KDM2B: variants seen among roughly 807,000 people sequenced by gnomAD.
KDM2B encodes lysine demethylase 2B.
A neutral mutation model predicts 150.0 loss-of-function variants in KDM2B; 26 were observed. The ratio of observed to expected loss-of-function variants is 0.17; its 90% CI spans 0.13 to 0.24. The LOEUF (loss-of-function observed/expected upper bound fraction) is 0.24. Among genes scored for constraint, KDM2B ranks in the 10% least tolerant of loss-of-function variants. The pLI is 1.00. For missense variants in KDM2B, 1,265 were observed against 1,816.9 expected (o/e 0.70, Z 5.52); for synonymous variants, 734 against 729.5 (o/e 1.01, Z -0.10).
intron 4 of KDM2B, among the ~76,000 whole-genome samples, chr12:121,562,901 G>A (rs949636476): frequency 3.3e-5 from 5 of 152,122 alleles, no homozygotes; most frequent in Non-Finnish European, 5.9e-5. Context: ...ATAAAAGATA[G>A]GTGATTATTA....
Position 121,453,592 on chromosome 12 carries a change from C to T in KDM2B, c.1735-248G>A, listed in dbSNP as rs1273949789. ...TCCTTACGAAAGGGGAACTTTTGGA[C>T]ACAGAGACAGACACGCACGTAGAGA... On this transcript the variant is annotated intron_variant, in intron 12 of 22. Coordinates refer to ENST00000377071, the MANE Select transcript of KDM2B (RefSeq NM_032590.5). This position sits in a 1 kb window ranked among gnomAD's most constrained non-coding sequence, Gnocchi z 6.4. Among the ~76,000 whole-genome samples the T allele has an allele frequency of 6.6e-6, 1 of 152,154 alleles. No homozygotes were observed. Among genetic ancestry groups the T allele is most frequent in the Non-Finnish European group, 1.5e-5 (1 of 68,036 alleles).
chr12:121,557,730 T>G (rs1594122119), intron 4 of KDM2B, among the ~76,000 whole-genome samples: 1 of 152,294 alleles, frequency 6.6e-6, no homozygotes, highest in East Asian at 1.9e-4. Context: ...ACAGACACCC[T>G]TAATTTTGGA....
At chr12:121,546,955 G>A (rs1172038632) in intron 6 of KDM2B, among the ~76,000 whole-genome samples, 8 of 150,536 alleles carry the variant, frequency 5.3e-5, no homozygotes, top group South Asian at 2.1e-4. Context: ...TCTTGGCCTC[G>A]CAAAGTGCTG....
chr12:121,538,389 T>A (rs1594081211), intron 6 of KDM2B, among the ~76,000 whole-genome samples: 1 of 151,292 alleles, frequency 6.6e-6, no homozygotes, highest in Non-Finnish European at 1.5e-5. Flanking sequence ...GGATCCGGAG[T>A]ATGGTAGCGC....
rs367829269 is a variant in KDM2B, at chr12:121,452,802, CGGAAGGAA to C, written c.1959+310_1959+317del. On this transcript the variant is annotated intron_variant, in intron 13 of 22. Transcript: ENST00000377071. This position sits in a 1 kb window ranked among gnomAD's most constrained non-coding sequence, Gnocchi z 4.4. ...AGACTTCTGACTCTGAAGGCAGGGC[CGGAAGGAA>C]GGAAGGAAGGGCCCAGAACCGTCAC... 6.6e-6 allele frequency among the ~76,000 whole-genome samples: 1 copy of C among 152,086 alleles called. No homozygotes were observed. Among genetic ancestry groups the C allele is most frequent in the East Asian group, 1.9e-4 (1 of 5,180 alleles).
chr12:121,529,099 G>C (rs1390130140), intron 8 of KDM2B, among the ~76,000 whole-genome samples: 2 of 152,130 alleles, frequency 1.3e-5, no homozygotes, highest in African/African-American at 2.4e-5. Flanking sequence ...CAAAATACTA[G>C]TAACTAAATC....
chr12:121,573,381 G>A (rs1891260090), intron 4 of KDM2B, among the ~76,000 whole-genome samples: 1 of 151,140 alleles, frequency 6.6e-6, no homozygotes, highest in Non-Finnish European at 1.5e-5. Context: ...CTCCTGGACT[G>A]AAGTGATCCT....
At chr12:121,490,200 G>A (rs1280431539) in intron 12 of KDM2B, among the ~76,000 whole-genome samples, 2 of 152,198 alleles carry the variant, frequency 1.3e-5, no homozygotes, top group Non-Finnish European at 2.9e-5. Flanking sequence ...ACAAGGCATC[G>A]AGGGTGTGTT....
In KDM2B at chr12:121,442,669, G is replaced by C; in HGVS notation, c.2772C>G (p.Ala924=). Residue 924 remains alanine (A), a synonymous_variant, in exon 19 of 23, where the codon GCC becomes GCG. Transcript: ENST00000377071. The surrounding 1 kb of genome is among the most constrained non-coding windows in gnomAD (Gnocchi z 7.7). ...CCTTCTTCTTCTCCTCCGGGCCCTCGGCCCCTTCGGTGCTGGGTCCCGCGG... is the reference window on the plus strand; with the variant it reads ...CCTTCTTCTTCTCCTCCGGGCCCTCCGCCCCTTCGGTGCTGGGTCCCGCGG... ...SPTAGPSTEG[A]EGPEEKKKVK... 3 of 1,605,400 alleles carry C rather than the reference G, an allele frequency of 1.9e-6. No individual in the cohort carries two copies. Among genetic ancestry groups the C allele is most frequent in the Non-Finnish European group, 1.7e-6 (2 of 1,177,276 alleles).
intron 8 of KDM2B, among the ~76,000 whole-genome samples, chr12:121,532,085 C>T (rs901146617): frequency 6.6e-6 from 1 of 151,772 alleles, no homozygotes; most frequent in Non-Finnish European, 1.5e-5. Flanking sequence ...CACGCCACTG[C>T]ACCCTAGCCT....
chr12:121,580,420 G>C, intron 1 of KDM2B: 4 of 1,157,142 alleles, frequency 3.5e-6, no homozygotes, highest in Non-Finnish European at 4.3e-6. Flanking sequence ...GGGAGGCACC[G>C]GGCGCCGTTA....
At position 121,547,410 on chromosome 12, in the gene KDM2B, CCA is replaced by C. The variant is rs542263257; in HGVS notation, c.683+1465_683+1466del. Reference sequence around the variant, plus strand: ...GCTTGAAAGCAAAACCTTGAGAAGCCCAAGGGCCAGCCTGCTGGCCTCCCTTA... The same window carrying C: ...GCTTGAAAGCAAAACCTTGAGAAGCCAGGGCCAGCCTGCTGGCCTCCCTTA... On this transcript the variant is annotated intron_variant, in intron 6 of 22. Transcript: ENST00000377071. Among the ~76,000 whole-genome samples, 13 of 152,176 alleles carry C rather than the reference CCA, an allele frequency of 8.5e-5. No homozygotes were observed. The East Asian group carries it at 2.5e-3, about 30-fold the overall frequency.
intron 22 of KDM2B, among the ~76,000 whole-genome samples, chr12:121,436,662 TAAGA>T (rs1223265074): frequency 6.6e-6 from 1 of 151,418 alleles, no homozygotes; most frequent in Admixed American, 6.6e-5. Context: ...GGGAGGAAGT[TAAGA>T]AAGAAGAAGT....
chr12:121,410,716 T>C, the KDM2B span, among the ~76,000 whole-genome samples: 2 of 152,200 alleles, frequency 1.3e-5, no homozygotes, highest in Non-Finnish European at 2.9e-5. Flanking sequence ...ATGCTAAGGT[T>C]ATTCTCTCAC....
chr12:121,433,026 G>A (rs1873318506), intron 22 of KDM2B: 3 of 417,368 alleles, frequency 7.2e-6, no homozygotes, highest in Non-Finnish European at 9.5e-6. Flanking sequence ...ACCTGTCGGT[G>A]GTAAGGCAGC....
At chr12:121,567,446 C>G (rs575704429) in intron 4 of KDM2B, among the ~76,000 whole-genome samples, 4 of 152,120 alleles carry the variant, frequency 2.6e-5, no homozygotes, top group Admixed American at 1.3e-4. Context: ...CTGTGGCTCA[C>G]GCATGCAATT....
At chr12:121,522,562 T>C (rs1454392250) in intron 8 of KDM2B, among the ~76,000 whole-genome samples, 2 of 147,874 alleles carry the variant, frequency 1.4e-5, no homozygotes, top group East Asian at 4.0e-4. Context: ...AATTTACAGA[T>C]GAGGGCCAGG....
chr12:121,494,575 T>A lies in KDM2B; in HGVS notation c.1734+4A>T, dbSNP rs782730123. 1 of 1,611,824 alleles carries A rather than the reference T, an allele frequency of 6.2e-7. No homozygotes were observed. The highest frequency in any genetic ancestry group is 1.1e-5 in the South Asian group (1 of 90,620). On this transcript the variant is annotated splice_donor_region_variant and intron_variant, in intron 12 of 22. Transcript: ENST00000377071. The stretch of plus-strand genomic sequence containing the variant: ...CCGCCCGCTGCAGGCAGGCTGCGTC[T>A]TACCTTTGGAGTCTTCTTTGGCCAA...
At chr12:121,581,503 G>T (rs1891962630), upstream of KDM2B, among the ~76,000 whole-genome samples, 1 of 152,218 alleles carries the variant, frequency 6.6e-6, no homozygotes, top group Non-Finnish European at 1.5e-5. Flanking sequence ...CAACAGTCAG[G>T]TCGACTTGGC....
Sources: allele counts gnomAD v4.1 joint callset (sites outside exome capture counted in the v4.1 genomes callset), GRCh38; gene constraint gnomAD v4.1.1; non-coding constraint Gnocchi (gnomAD v3.1); transcripts MANE v1.5; gene names NCBI Gene and HGNC (gene_info 2026-07-23, HGNC 2026-07-21).